Variants in RGS6 observed in about 807,000 individuals in gnomAD.
RGS6 encodes regulator of G-protein signaling 6.
In RGS6, 30 loss-of-function variants were observed where a neutral mutation model predicts 78.5. The observed-to-expected ratio is 0.38, with a 90% confidence interval of 0.29 to 0.52. RGS6 has a LOEUF of 0.52. RGS6 is among the 20% of genes least tolerant of loss of function. The probability of loss-of-function intolerance (pLI) is 0.85; values close to 1 mark genes in which losing one functional copy is unlikely to be tolerated. For missense variants in RGS6, 495 were observed against 609.7 expected (o/e 0.81, Z 1.98); for synonymous variants, 206 against 206.0 (o/e 1.00, Z 0.00).
intron 17 of RGS6, among the ~76,000 whole-genome samples, chr14:72,554,587 G>T (rs1599097997): frequency 6.6e-6 from 1 of 152,184 alleles, no homozygotes; most frequent in Non-Finnish European, 1.5e-5. Flanking sequence ...AGGAGGAGAA[G>T]AGGAACAGGC....
intron 2 of RGS6, among the ~76,000 whole-genome samples, chr14:72,103,916 C>T (rs970064940): frequency 3.9e-5 from 6 of 152,180 alleles, no homozygotes; most frequent in African/African-American, 1.2e-4. Flanking sequence ...AAAGGAGTGA[C>T]TTGGTCGAGG....
At chr14:72,097,042 C>T (rs575870501) in intron 2 of RGS6, among the ~76,000 whole-genome samples, 58 of 152,280 alleles carry the variant, frequency 3.8e-4, no homozygotes, top group African/African-American at 1.3e-3. Context: ...CTAGTACCCT[C>T]GAGTGTCCTT....
chr14:72,196,773 G>T (rs553208491), intron 2 of RGS6, among the ~76,000 whole-genome samples: 15 of 152,274 alleles, frequency 9.9e-5, no homozygotes, highest in African/African-American at 3.4e-4. Flanking sequence ...TTTGTATTCT[G>T]CTTCTCCCAT....
intron 15 of RGS6, among the ~76,000 whole-genome samples, chr14:72,522,816 T>C (rs1431794895): frequency 2.6e-5 from 4 of 152,242 alleles, no homozygotes; most frequent in Admixed American, 1.3e-4. Context: ...AAATAAAATC[T>C]AGCACATGGT....
At chr14:71,982,646 A>G (rs2094521006) in intron 2 of RGS6, among the ~76,000 whole-genome samples, 2 of 152,186 alleles carry the variant, frequency 1.3e-5, no homozygotes, top group South Asian at 4.1e-4. Context: ...GACACTGCCA[A>G]AAGCTCTGTT....
chr14:71,899,620 C>T, the RGS6 span, among the ~76,000 whole-genome samples: 1 of 152,206 alleles, frequency 6.6e-6, no homozygotes, highest in African/African-American at 2.4e-5. Context: ...TCAATATGTG[C>T]TATTCCTTTA....
chr14:72,517,148 A>AG (rs2096957857), intron 14 of RGS6, among the ~76,000 whole-genome samples: 1 of 152,080 alleles, frequency 6.6e-6, no homozygotes, highest in African/African-American at 2.4e-5. Flanking sequence ...AAAAAAAAAA[A>AG]AAAGAAACAA....
At chr14:72,608,969 C>G in the RGS6 span, among the ~76,000 whole-genome samples, 1 of 152,242 alleles carries the variant, frequency 6.6e-6, no homozygotes, top group Non-Finnish European at 1.5e-5. Context: ...GGGCTCTACC[C>G]CCACAGGATC....
At chr14:72,407,388 G>A (rs1359495660) in intron 3 of RGS6, among the ~76,000 whole-genome samples, 1 of 152,146 alleles carries the variant, frequency 6.6e-6, no homozygotes, top group East Asian at 1.9e-4. Context: ...GATGTCCTAT[G>A]GTATTGCTGT....
chr14:72,135,522 A>G (rs1243145414), intron 2 of RGS6, among the ~76,000 whole-genome samples: 1 of 152,102 alleles, frequency 6.6e-6, no homozygotes, highest in African/African-American at 2.4e-5. Context: ...TTTTATATTT[A>G]CTATTATAAA....
At chr14:72,002,062 C>T (rs1183766405) in intron 2 of RGS6, among the ~76,000 whole-genome samples, 1 of 151,964 alleles carries the variant, frequency 6.6e-6, no homozygotes, top group African/African-American at 2.4e-5. Context: ...ACCACCATGC[C>T]TGGCTAATTT....
At chr14:72,443,649 T>C (rs1214021138) in intron 3 of RGS6, among the ~76,000 whole-genome samples, 1 of 152,188 alleles carries the variant, frequency 6.6e-6, no homozygotes, top group Non-Finnish European at 1.5e-5. Flanking sequence ...TTTGCACAAA[T>C]GAAGTGACCG....
chr14:71,990,936 A>G, intron 2 of RGS6: 1 of 436,414 alleles, frequency 2.3e-6, no homozygotes, highest in Non-Finnish European at 4.6e-6. Flanking sequence ...CGGAGGCAGA[A>G]CCTGAACCTG....
intron 1 of RGS6, among the ~76,000 whole-genome samples, chr14:71,953,969 G>GTTGTT (rs1555399156): frequency 1.4e-4 from 11 of 76,078 alleles, no homozygotes; most frequent in Admixed American, 3.6e-4. Flanking sequence ...CTAAGTGGGC[G>GTTGTT]TTTTTTTTTT....
At chr14:71,953,201 G>A (rs2092490916) in intron 1 of RGS6, among the ~76,000 whole-genome samples, 1 of 152,128 alleles carries the variant, frequency 6.6e-6, no homozygotes. Context: ...GCATTAGAAC[G>A]CAACTTGACC....
At chr14:72,024,616 T>C (rs2089459344) in intron 2 of RGS6, among the ~76,000 whole-genome samples, 1 of 152,188 alleles carries the variant, frequency 6.6e-6, no homozygotes, top group Non-Finnish European at 1.5e-5. Context: ...GATGAGTACC[T>C]ATGTTGAAAT....
chr14:72,155,932 C>T (rs1007240429), intron 2 of RGS6, among the ~76,000 whole-genome samples: 15 of 152,230 alleles, frequency 9.9e-5, no homozygotes, highest in African/African-American at 2.9e-4. Context: ...ACTGGGAAAA[C>T]GGCCTGGAGC....
intron 2 of RGS6, among the ~76,000 whole-genome samples, chr14:72,319,457 C>G (rs2071272453): frequency 6.6e-6 from 1 of 151,802 alleles, no homozygotes. Context: ...TCACGCCATT[C>G]TCCTGCCTCA....
At chr14:72,520,792 C>T (rs1320015562) in intron 15 of RGS6, among the ~76,000 whole-genome samples, 2 of 152,100 alleles carry the variant, frequency 1.3e-5, no homozygotes, top group Non-Finnish European at 2.9e-5. Flanking sequence ...TGTTTTAATC[C>T]ATTTTGCTGA....
Sources: allele counts gnomAD v4.1 joint callset (sites outside exome capture counted in the v4.1 genomes callset), GRCh38; gene constraint gnomAD v4.1.1; transcripts MANE v1.5; gene names NCBI Gene and HGNC (gene_info 2026-07-23, HGNC 2026-07-21).